Variants in PUDP observed in about 807,000 individuals in gnomAD.
The protein encoded by PUDP is pseudouridine 5'-phosphatase.
A neutral mutation model predicts 9.4 loss-of-function variants in PUDP; 8 were observed. That is an observed-to-expected ratio of 0.85 (90% confidence interval 0.50 to 1.53). PUDP has a LOEUF of 1.53. PUDP is among the 40% of genes most tolerant of loss of function. The pLI, the probability that PUDP is intolerant of heterozygous loss-of-function variation, is 0.00. For missense variants in PUDP, 188 were observed against 189.7 expected (o/e 0.99, Z 0.05); for synonymous variants, 99 against 80.7 (o/e 1.23, Z -1.22).
chrX:6,995,830 A>G (rs771992143), intron 1 of PUDP, among the ~76,000 whole-genome samples: 45 of 108,212 alleles, frequency 4.2e-4, no homozygotes, highest in Non-Finnish European at 7.7e-4. Context: ...TGGGTCTTAT[A>G]GCATCAGCCA....
intron 3 of PUDP, among the ~76,000 whole-genome samples, chrX:6,878,423 G>GGC (rs1208375403): frequency 1.8e-5 from 2 of 108,154 alleles, no homozygotes; most frequent in Non-Finnish European, 3.8e-5. Context: ...CTGAGGTGTA[G>GGC]TGGCACAATC....
intron 3 of PUDP, among the ~76,000 whole-genome samples, chrX:6,839,621 T>G (rs1031696387): frequency 8.9e-6 from 1 of 111,786 alleles, no homozygotes; most frequent in Non-Finnish European, 1.9e-5. Flanking sequence ...TATGTGATGC[T>G]TCACATAATA....
At chrX:6,722,081 G>C (rs1411893221), upstream of PUDP, among the ~76,000 whole-genome samples, 1 of 110,318 alleles carries the variant, frequency 9.1e-6, no homozygotes, top group African/African-American at 3.3e-5. Flanking sequence ...TGTAGAAATG[G>C]GGGGAGAGGG....
chrX:6,756,776 AT>A, intron 3 of PUDP, among the ~76,000 whole-genome samples: 1 of 112,322 alleles, frequency 8.9e-6, no homozygotes, highest in East Asian at 2.8e-4. Flanking sequence ...TGAGATATAC[AT>A]AATTATATAA....
At chrX:6,946,996 TGTTTG>T (rs1438747019) in intron 3 of PUDP, among the ~76,000 whole-genome samples, 1 of 62,979 alleles carries the variant, frequency 1.6e-5, no homozygotes, top group Non-Finnish European at 3.1e-5. Context: ...TTTTTCTGTT[TGTTTG>T]TTTTTTTTTT....
At chrX:6,780,619 C>T (rs1212141906) in intron 3 of PUDP, among the ~76,000 whole-genome samples, 3 of 111,399 alleles carry the variant, frequency 2.7e-5, no homozygotes, top group African/African-American at 9.8e-5. Flanking sequence ...CTGAGTGAGT[C>T]CTCATCCTAG....
Position 6,860,480 on chromosome X carries a change from TTG to T in PUDP, c.*247+116651_*247+116652del, listed in dbSNP as rs1198189678. On this transcript the variant is annotated intron_variant and NMD_transcript_variant, in intron 3 of 3. Coordinates refer to the PUDP transcript ENST00000655425. ...TGTGTGGTTTTTTGTTTTTTGTTTT[TTG>T]TTTTTTGAGACAGAGTCTCACTCTG... Among the ~76,000 whole-genome samples the T allele has an allele frequency of 3.8e-5, 4 of 105,694 alleles. No individual in the cohort carries two copies. In the East Asian group the frequency reaches 9.5e-4, roughly 25 times the overall value. The allele number at this position is 105,694 out of a possible 115,157, so 91.8% of individuals were successfully genotyped here. A position where few individuals can be genotyped will look rare whatever the true frequency, so the allele number is the denominator to read the frequency against.
rs1602702406 is a variant in PUDP at position 6,986,508 on chromosome X, T to G, written c.205-8165A>C. Among the ~76,000 whole-genome samples, 4 of 111,371 alleles carry G rather than the reference T, an allele frequency of 3.6e-5. No homozygotes were observed. The South Asian group carries it at 1.5e-3, about 43-fold the overall frequency. On this transcript the variant is annotated intron_variant and NMD_transcript_variant, in intron 1 of 3. Coordinates refer to the PUDP transcript ENST00000655425. The stretch of plus-strand genomic sequence containing the variant: ...ACCACAGCAGATGACAATCGCCCCC[T>G]CCGGCCACAGAAGTCTGAAAGAGGC...
intron 3 of PUDP, among the ~76,000 whole-genome samples, chrX:7,076,269 G>C (rs1382780180): frequency 8.9e-6 from 1 of 111,833 alleles, no homozygotes; most frequent in African/African-American, 3.3e-5. Flanking sequence ...TGAGAGGTGA[G>C]GCCTGAAAAA....
Position 7,091,429 on chromosome X carries a change from C to T in PUDP, c.281-13980G>A, listed in dbSNP as rs763600129. Among the ~76,000 whole-genome samples, 5 of 111,814 alleles carry T rather than the reference C, an allele frequency of 4.5e-5. No homozygotes were observed. The East Asian group carries it at 1.1e-3, about 25-fold the overall frequency. ...TCTCAGCTCACTGCAATCTCTGCCTCCCTAGTTCAAGCAATTCTCCTGCCT... is the reference window on the plus strand; with the variant it reads ...TCTCAGCTCACTGCAATCTCTGCCTTCCTAGTTCAAGCAATTCTCCTGCCT... On this transcript the variant is annotated intron_variant, in intron 2 of 3. Coordinates refer to ENST00000381077, the MANE Select transcript of PUDP (RefSeq NM_012080.5).
chrX:7,074,675 T>C (rs1930841355), intron 3 of PUDP, among the ~76,000 whole-genome samples: 1 of 112,425 alleles, frequency 8.9e-6, no homozygotes, highest in Admixed American at 9.4e-5. Flanking sequence ...AAATGGTGTT[T>C]CTGGGAAGAA....
rs1316884535 is a variant in PUDP at position 7,102,863 on chromosome X, A to G, written c.280+2757T>C. ...ATAGCATCAAAAGAATAAAATACCT[A>G]GAAATAAGAGAAGTGAAGGACCTAT... On this transcript the variant is annotated intron_variant, in intron 2 of 3. Coordinates refer to ENST00000381077, the MANE Select transcript of PUDP (RefSeq NM_012080.5). Among the ~76,000 whole-genome samples, 77 of 111,690 alleles carry G rather than the reference A, an allele frequency of 6.9e-4. 1 individual carries two copies. The highest frequency in any genetic ancestry group is 3.8e-5 in the Non-Finnish European group (2 of 53,061).
intron 3 of PUDP, among the ~76,000 whole-genome samples, chrX:6,842,714 T>C (rs546378165): frequency 8.9e-6 from 1 of 112,244 alleles, no homozygotes; most frequent in African/African-American, 3.2e-5. Flanking sequence ...TCAGTACAAC[T>C]GAAATAGAAC....
At chrX:7,075,632 G>C (rs1395063881) in intron 3 of PUDP, among the ~76,000 whole-genome samples, 1 of 111,744 alleles carries the variant, frequency 8.9e-6, no homozygotes, top group Non-Finnish European at 1.9e-5. Context: ...TCACACCTAC[G>C]TAAGAAAGCT....
At chrX:6,784,336 T>C (rs1196537026) in intron 3 of PUDP, among the ~76,000 whole-genome samples, 2 of 111,854 alleles carry the variant, frequency 1.8e-5, no homozygotes, top group Non-Finnish European at 3.8e-5. Context: ...TTTATGCTGC[T>C]TGGTTGTGTG....
At chrX:6,892,923 T>C (rs1927536372) in intron 3 of PUDP, among the ~76,000 whole-genome samples, 1 of 111,954 alleles carries the variant, frequency 8.9e-6, no homozygotes, top group African/African-American at 3.3e-5. Context: ...CTTCCAGAAC[T>C]GTGACAAAAC....
At chrX:6,770,260 G>A (rs940858867) in intron 3 of PUDP, among the ~76,000 whole-genome samples, 1 of 112,582 alleles carries the variant, frequency 8.9e-6, no homozygotes, top group Non-Finnish European at 1.9e-5. Context: ...TCATTTGCAT[G>A]CCTGTCTGTG....
At chrX:6,813,624 C>T (rs915058293) in intron 3 of PUDP, among the ~76,000 whole-genome samples, 1 of 111,392 alleles carries the variant, frequency 9.0e-6, no homozygotes, top group African/African-American at 3.3e-5. Flanking sequence ...GAGACTAATG[C>T]CCGAATCTCC....
intron 3 of PUDP, among the ~76,000 whole-genome samples, chrX:6,927,445 T>C (rs1162359843): frequency 8.9e-6 from 1 of 112,289 alleles, no homozygotes; most frequent in Non-Finnish European, 1.9e-5. Context: ...TGAAAGTGGA[T>C]ACACTTATAG....
Sources: gnomAD v4.1 joint callset for allele counts (sites outside exome capture counted in the v4.1 genomes callset) on GRCh38, gnomAD v4.1.1 for gene constraint, MANE v1.5 for transcripts, NCBI Gene and HGNC (gene_info 2026-07-23, HGNC 2026-07-21) for gene names.